COL6A6: variants seen among roughly 807,000 people sequenced by gnomAD.
The protein encoded by COL6A6 is collagen alpha-6(VI) chain.
In COL6A6, 183 loss-of-function variants were observed where a neutral mutation model predicts 208.6. The ratio of observed to expected loss-of-function variants is 0.88; its 90% CI spans 0.78 to 0.99. The LOEUF (loss-of-function observed/expected upper bound fraction) is 0.99. COL6A6 is among the 50% of genes least tolerant of loss of function. The probability of loss-of-function intolerance (pLI) is 0.00; values close to 1 mark genes in which losing one functional copy is unlikely to be tolerated. For synonymous variants in COL6A6, 973 were observed against 1,011.8 expected, an observed-to-expected ratio of 0.96 and a Z score of 0.73; for missense variants, 2,816 against 2,815.2, an observed-to-expected ratio of 1.00 and a Z score of -0.01.
intron 12 of COL6A6, chr3:130,589,912 G>C (rs2063632995): frequency 2.5e-6 from 1 of 402,474 alleles, no homozygotes; most frequent in Admixed American, 2.7e-5. Context: ...CAAATCACCA[G>C]GGCTATGTCT....
At chr3:130,602,970 T>C (rs1483881145) in intron 20 of COL6A6, among the ~76,000 whole-genome samples, 1 of 152,228 alleles carries the variant, frequency 6.6e-6, no homozygotes, top group Admixed American at 6.5e-5. Flanking sequence ...CTAAAATGAA[T>C]GTTACAATGA....
chr3:130,526,368 G>T (rs1271486944), intron 1 of COL6A6, among the ~76,000 whole-genome samples: 1 of 152,072 alleles, frequency 6.6e-6, no homozygotes, highest in East Asian at 1.9e-4. Flanking sequence ...AATGAGGAGA[G>T]TAAAGATGAG....
chr3:130,609,870 G>A (rs2064302211), intron 22 of COL6A6, among the ~76,000 whole-genome samples: 1 of 151,660 alleles, frequency 6.6e-6, no homozygotes, highest in Admixed American at 6.6e-5. Context: ...TCAGAGCAGT[G>A]CACAGTCTTC....
rs376108254 is a variant in COL6A6 at position 130,563,607 on chromosome 3, A to T, written c.604A>T (p.Ile202Phe). 7.8e-5 allele frequency: 126 copies of T among 1,613,972 alleles called. No individual in the cohort carries two copies. The African/African-American group carries it at 1.3e-3, about 17-fold the overall frequency. The change falls in exon 3 of 37, where the codon ATC becomes TTC. Residue 202 changes from isoleucine (I) to phenylalanine (F), a missense_variant. Ile to Phe is a conservative substitution (Grantham distance 21, BLOSUM62 0). Transcript: ENST00000358511. ...LSMFSQNMTH[I>F]IKDVIKYKEG... The stretch of plus-strand genomic sequence containing the variant: ...CATGTTTTCCCAAAACATGACACAC[A>T]TCATCAAGGATGTAATAAAGTACAA...
In COL6A6 at chr3:130,634,613, A is replaced by G. The variant is rs1156987989; in HGVS notation, c.5016A>G (p.Glu1672=). Residue 1672 remains glutamate, a synonymous_variant, in exon 27 of 37, where the codon GAA becomes GAG. Transcript: ENST00000358511. ...AGGGACAAGAAGGATTCCCTGGAGA[A>G]AGTGGACCTAAGGTACCGTGTGCTT... ...GAKGQEGFPG[E]SGPKGEIGDP... 2 of 1,607,860 alleles carry G rather than the reference A, an allele frequency of 1.2e-6. No homozygotes were observed. The highest frequency in any genetic ancestry group is 2.2e-5 in the South Asian group (2 of 89,270).
At chr3:130,578,581 A>G (rs1261180326) in intron 8 of COL6A6, among the ~76,000 whole-genome samples, 1 of 152,036 alleles carries the variant, frequency 6.6e-6, no homozygotes, top group Non-Finnish European at 1.5e-5. Flanking sequence ...CTATAAAACC[A>G]CCGTGTATAC....
chr3:130,634,311 T>C (rs1249814091), intron 26 of COL6A6, among the ~76,000 whole-genome samples: 1 of 149,726 alleles, frequency 6.7e-6, no homozygotes, highest in Non-Finnish European at 1.5e-5. Flanking sequence ...TATGCGGTTA[T>C]ATGCATACAA....
chr3:130,604,810 T>C (rs1256663461), intron 20 of COL6A6, among the ~76,000 whole-genome samples: 1 of 152,204 alleles, frequency 6.6e-6, no homozygotes, highest in Non-Finnish European at 1.5e-5. Context: ...AAGCCAGAGG[T>C]AGATTTTTGA....
chr3:130,611,039 C>A (rs1475266208), intron 23 of COL6A6, among the ~76,000 whole-genome samples: 1 of 151,694 alleles, frequency 6.6e-6, no homozygotes, highest in African/African-American at 2.4e-5. Context: ...CTTTAGTAGT[C>A]CTCAAACTGG....
intron 6 of COL6A6, 112 bp downstream of exon 6, chr3:130,568,716 A>G (rs1291176838): frequency 2.8e-6 from 3 of 1,060,994 alleles, no homozygotes; most frequent in Non-Finnish European, 4.0e-6. Flanking sequence ...GGTTTAATTG[A>G]AATGTTTCTC....
At chr3:130,624,882 A>G (rs181019069) in intron 24 of COL6A6, among the ~76,000 whole-genome samples, 1 of 152,306 alleles carries the variant, frequency 6.6e-6, no homozygotes. Context: ...TTACTCCAGT[A>G]AGTTCACATT....
intron 1 of COL6A6, among the ~76,000 whole-genome samples, chr3:130,523,476 T>C (rs1023259419): frequency 1.3e-5 from 2 of 152,202 alleles, no homozygotes; most frequent in African/African-American, 2.4e-5. Context: ...CTGATGATCA[T>C]GGGCAAGTCA....
At position 130,582,056 on chromosome 3, in the gene COL6A6, C is replaced by A. The variant is rs1390956263; in HGVS notation, c.3958C>A (p.Leu1320Ile). Residue 1320 changes from leucine (L) to isoleucine (I), a missense_variant, in exon 10 of 37, where the codon CTT becomes ATT. Leu to Ile is a conservative substitution (Grantham distance 5, BLOSUM62 2). Transcript: ENST00000358511. ...GAAACTTGAACAAAAATCTGATGAA[C>A]TTAGAAAAGAAGGTACTGAGTATGG... is the stretch of plus-strand genomic sequence containing the variant. Reference protein sequence around the residue: ...VEKLEQKSDELRKEGLNALIT... With the variant: ...VEKLEQKSDEIRKEGLNALIT... 6.3e-7 allele frequency: 1 copy of A among 1,594,762 alleles called. No individual in the cohort carries two copies. Among genetic ancestry groups the A allele is most frequent in the Non-Finnish European group, 8.6e-7 (1 of 1,166,408 alleles).
At position 130,621,850 on chromosome 3, in the gene COL6A6, G is replaced by A. The variant is rs1430244781; in HGVS notation, c.4845G>A (p.Gly1615=). 2 of 1,613,894 alleles carry A rather than the reference G, an allele frequency of 1.2e-6. No homozygotes were observed. Among genetic ancestry groups the A allele is most frequent in the South Asian group, 1.1e-5 (1 of 91,066 alleles). ...QGPPGPGGEA[G]NQGRLGSQGN... ...CTCCAGGACCCGGAGGAGAGGCAGG[G>A]AATCAAGGCCGTTTGGGAAGCCAAG... Residue 1615 remains glycine (G), a synonymous_variant, in exon 24 of 37, where the codon GGG becomes GGA. Coordinates refer to ENST00000358511, the MANE Select transcript of COL6A6 (RefSeq NM_001102608.3).
intron 1 of COL6A6, among the ~76,000 whole-genome samples, chr3:130,556,132 A>G (rs2062762990): frequency 6.6e-6 from 1 of 152,224 alleles, no homozygotes; most frequent in Admixed American, 6.5e-5. Context: ...GAGAACACAC[A>G]GTGGTTAGCT....
chr3:130,568,120 C>T lies in COL6A6; in HGVS notation c.1917C>T (p.Ser639=). The change falls in exon 6 of 37, where the codon AGC becomes AGT. Residue 639 remains serine, a synonymous_variant. Coordinates refer to ENST00000358511, the MANE Select transcript of COL6A6 (RefSeq NM_001102608.3). ...SSGSIGPENF[S]KMKTFMKNLV... is the part of the protein sequence containing the mutation. ...GAAGTATAGGACCTGAAAACTTCAG[C>T]AAAATGAAAACATTTATGAAAAACC... The T allele has an allele frequency of 6.2e-7, 1 of 1,613,934 alleles. No individual in the cohort carries two copies. The highest frequency in any genetic ancestry group is 8.5e-7 in the Non-Finnish European group (1 of 1,179,870).
Position 130,675,540 on chromosome 3 carries a change from A to G in COL6A6, c.*143A>G, listed in dbSNP as rs1056127194. 1.8e-6 allele frequency: 1 copy of G among 549,822 alleles called. No homozygotes were observed. Among genetic ancestry groups the G allele is most frequent in the Admixed American group, 3.3e-5 (1 of 30,264 alleles). 34.1% of individuals were successfully genotyped at this position (549,822 alleles called of 1,614,324 possible). The stretch of plus-strand genomic sequence containing the variant: ...CCTGCATTCATTGGTATTAAGATAT[A>G]TCTTGTTCATTTATTTGACCACTCC... On this transcript the variant is annotated 3_prime_UTR_variant, in exon 37 of 37. Transcript: ENST00000358511.
At chr3:130,615,740 T>G (rs2064497565) in intron 23 of COL6A6, among the ~76,000 whole-genome samples, 1 of 152,206 alleles carries the variant, frequency 6.6e-6, no homozygotes, top group South Asian at 2.1e-4. Flanking sequence ...GAAAAACATA[T>G]ATCATGTGAT....
At chr3:130,670,659 C>T (rs542365882) in intron 36 of COL6A6, among the ~76,000 whole-genome samples, 134 of 152,316 alleles carry the variant, frequency 8.8e-4, no homozygotes, top group Non-Finnish European at 1.5e-3. Context: ...GGGAAGGCAG[C>T]GGCCATCCAC....
Sources: allele counts gnomAD v4.1 joint callset (sites outside exome capture counted in the v4.1 genomes callset), GRCh38; gene constraint gnomAD v4.1.1; transcripts MANE v1.5; gene names NCBI Gene and HGNC (gene_info 2026-07-23, HGNC 2026-07-21).